NBPF11: variants seen among roughly 807,000 people sequenced by gnomAD.
The protein encoded by NBPF11 is NBPF member 11, also known as NBPF family member NBPF11.
In NBPF11, 72 loss-of-function variants were observed where a neutral mutation model predicts 93.9. That is an observed-to-expected ratio of 0.77 (90% CI 0.63 to 0.93). The LOEUF (loss-of-function observed/expected upper bound fraction) is 0.93. Ranked by LOEUF, NBPF11 falls within the 40% of genes least tolerant of loss-of-function variation. NBPF11 has a pLI of 0.00. For missense variants in NBPF11, 705 were observed against 802.2 expected (o/e 0.88, Z 1.46); for synonymous variants, 224 against 304.9 (o/e 0.73, Z 2.76).
chr1:148,118,645 G>A lies in NBPF11; in HGVS notation c.1066C>T (p.Gln356Ter), dbSNP rs1361161630. ...CTGAGCTCCTCAGCTTGCTTCAGCTGCTCTGCAAGCTTCTCCTCCTTGAAC... is the reference window on the plus strand; with the variant it reads ...CTGAGCTCCTCAGCTTGCTTCAGCTACTCTGCAAGCTTCTCCTCCTTGAAC... The part of the protein sequence containing the change: ...RQFKEEKLAE[Q>*]LKQAEELRQY... Residue 356 changes from glutamine (Q) to a stop codon, truncating the protein, a stop_gained, in exon 11 of 24, where the codon CAG becomes TAG. Coordinates refer to ENST00000682118, the MANE Select transcript of NBPF11 (RefSeq NM_001385469.3). LOFTEE classifies it high-confidence loss of function. The A allele has an allele frequency of 3.7e-6, 6 of 1,612,814 alleles. No individual in the cohort carries two copies. The African/African-American group carries it at 5.3e-5, about 14-fold the overall frequency.
Position 148,126,333 on chromosome 1 carries a change from T to C in NBPF11, c.175+496A>G, listed in dbSNP as rs1571460118. Among the ~76,000 whole-genome samples, 7 of 151,798 alleles carry C rather than the reference T, an allele frequency of 4.6e-5. No homozygotes were observed. The South Asian group carries it at 1.0e-3, about 23-fold the overall frequency. On this transcript the variant is annotated intron_variant, in intron 5 of 23. Coordinates refer to ENST00000682118, the MANE Select transcript of NBPF11 (RefSeq NM_001385469.3). ...TGCTCTTGATGCTGTCACTTATAGA[T>C]AGCACAGGTTCTATTAGGAGCAGAC... is the stretch of plus-strand genomic sequence containing the variant.
chr1:148,117,355 C>T (rs1337761131), intron 12 of NBPF11, among the ~76,000 whole-genome samples: 146 of 146,744 alleles, frequency 9.9e-4, no homozygotes, highest in African/African-American at 3.8e-3. Context: ...CAAAGACCAC[C>T]TTCCATCAAG....
intron 16 of NBPF11, chr1:148,109,557 T>A: frequency 1.6e-6 from 1 of 618,956 alleles, no homozygotes. Context: ...GGAATGTTAT[T>A]TTCCCTATGT....
chr1:148,106,280 C>T (rs1331312927), intron 20 of NBPF11, 48 bp from the exon 21 acceptor site: 15 of 618,976 alleles, frequency 2.4e-5, no homozygotes, highest in South Asian at 1.6e-4. Flanking sequence ...AATTCACCTA[C>T]ACCCATAACA....
intron 8 of NBPF11, 39 bp downstream of exon 8, chr1:148,122,690 G>A (rs1668150271): frequency 1.2e-6 from 2 of 1,605,434 alleles, no homozygotes; most frequent in Non-Finnish European, 1.7e-6. Context: ...ATTTTCATAT[G>A]TTACCACCCA....
chr1:148,121,591 G>A (rs1373871195), intron 9 of NBPF11, among the ~76,000 whole-genome samples: 7 of 151,392 alleles, frequency 4.6e-5, no homozygotes, highest in African/African-American at 1.5e-4. Context: ...TCCTGACCTC[G>A]TGATCCACCC....
intron 15 of NBPF11, among the ~76,000 whole-genome samples, chr1:148,113,134 G>A (rs1159341652): frequency 3.9e-5 from 6 of 152,008 alleles, no homozygotes; most frequent in Non-Finnish European, 7.3e-5. Context: ...AACCTTAAAT[G>A]TAAAGGGGCT....
intron 5 of NBPF11, among the ~76,000 whole-genome samples, chr1:148,125,473 A>G (rs1212641857): frequency 1.6e-4 from 25 of 152,070 alleles, no homozygotes; most frequent in Admixed American, 9.2e-4. Context: ...TCATTTTTAA[A>G]TCAATATTCA....
intron 15 of NBPF11, among the ~76,000 whole-genome samples, chr1:148,112,452 C>T (rs1237844454): frequency 2.8e-3 from 371 of 132,370 alleles, no homozygotes; most frequent in African/African-American, 0.011. Context: ...TGGTTTCCAG[C>T]TTCATCCATG....
chr1:148,107,680 G>C (rs1353904157), intron 19 of NBPF11, 31 bp downstream of exon 19: 1 of 775,560 alleles, frequency 1.3e-6, no homozygotes, highest in Admixed American at 1.7e-5. Flanking sequence ...TGTCAACACA[G>C]AATTAAGCAT....
chr1:148,111,357 C>T (rs1340641457), intron 15 of NBPF11, among the ~76,000 whole-genome samples: 3 of 152,146 alleles, frequency 2.0e-5, no homozygotes, highest in African/African-American at 7.2e-5. Context: ...TCCAAAGGAT[C>T]GCAGCTCCTC....
At chr1:148,118,598 T>A (rs1355498751) in intron 11 of NBPF11, 22 bp downstream of exon 11, 195 of 1,598,250 alleles carry the variant, frequency 1.2e-4, no homozygotes, top group Non-Finnish European at 1.6e-4. Context: ...CCCCCCTGCC[T>A]GCCCCCATGG....
chr1:148,135,571 G>T, intron 4 of NBPF11, 101 bp downstream of exon 4: 2 of 487,612 alleles, frequency 4.1e-6, no homozygotes, highest in Non-Finnish European at 7.3e-6. Flanking sequence ...ACTCAGCTAA[G>T]CATATGGGCT....
chr1:148,146,678 G>C (rs1227073447), intron 1 of NBPF11: 1 of 1,611,688 alleles, frequency 6.2e-7, no homozygotes, highest in African/African-American at 1.3e-5. Flanking sequence ...AAGAGCGCCC[G>C]CGGCAACCGT....
chr1:148,126,176 T>A (rs1447651839), intron 5 of NBPF11, among the ~76,000 whole-genome samples: 2,108 of 151,914 alleles, frequency 0.014, 79 homozygotes, highest in African/African-American at 0.049. Context: ...ACTTTTTGTA[T>A]TTTTAGTGGA....
At chr1:148,108,844 C>CACACAG (rs1664494864) in intron 17 of NBPF11, among the ~76,000 whole-genome samples, 190 bp from the exon 18 acceptor site, 2 of 69,804 alleles carry the variant, frequency 2.9e-5, no homozygotes, top group Non-Finnish European at 5.0e-5. Context: ...AAGAGAAAGA[C>CACACAG]ACACACACAC....
At chr1:148,140,570 C>G (rs1348170931) in intron 2 of NBPF11, among the ~76,000 whole-genome samples, 1 of 145,636 alleles carries the variant, frequency 6.9e-6, no homozygotes, top group Non-Finnish European at 1.5e-5. Context: ...GAGAACTAAA[C>G]AACACAAAGC....
chr1:148,140,080 A>C (rs1336759239), intron 2 of NBPF11, among the ~76,000 whole-genome samples: 1 of 151,910 alleles, frequency 6.6e-6, no homozygotes, highest in Non-Finnish European at 1.5e-5. Flanking sequence ...AAGAGAAAAC[A>C]CACACAAATA....
intron 2 of NBPF11, among the ~76,000 whole-genome samples, chr1:148,141,376 G>A (rs1571491650): frequency 6.6e-6 from 1 of 152,052 alleles, no homozygotes; most frequent in African/African-American, 2.4e-5. Context: ...ACTAATAGGG[G>A]AAATTGTGTG....
Sources: allele counts gnomAD v4.1 joint callset (sites outside exome capture counted in the v4.1 genomes callset), GRCh38; gene constraint gnomAD v4.1.1; transcripts MANE v1.5; gene names NCBI Gene and HGNC (gene_info 2026-07-23, HGNC 2026-07-21).